RNF212B: variants seen among roughly 807,000 people sequenced by gnomAD.
RNF212B encodes the protein ring finger protein 212B.
Under a neutral mutation model 55.5 loss-of-function variants are expected in RNF212B, and 52 were observed. That is an observed-to-expected ratio of 0.94 (90% confidence interval 0.75 to 1.18). RNF212B has a LOEUF of 1.18. Among genes scored for constraint, RNF212B ranks in the 50% most tolerant of loss-of-function variants. The pLI, the probability that RNF212B is intolerant of heterozygous loss-of-function variation, is 0.00. For synonymous variants in RNF212B, 99 were observed against 121.4 expected (o/e 0.82, Z 1.21); for missense variants, 289 against 350.4 (o/e 0.82, Z 1.40).
intron 3 of RNF212B, 26 bp from the exon 4 acceptor site, chr14:23,244,296 C>T (rs1255243948): frequency 2.2e-6 from 3 of 1,374,832 alleles, no homozygotes; most frequent in Non-Finnish European, 3.0e-6. Context: ...TGGATATTCT[C>T]ACAGTGTGTA....
intron 14 of RNF212B, among the ~76,000 whole-genome samples, chr14:23,272,249 A>C (rs932912132): frequency 6.6e-6 from 1 of 151,982 alleles, no homozygotes; most frequent in African/African-American, 2.4e-5. Flanking sequence ...AACCCCGTCT[A>C]TACTAAAAAA....
intron 4 of RNF212B, 94 bp from the exon 5 acceptor site, chr14:23,258,455 A>G: frequency 3.5e-6 from 2 of 577,028 alleles, no homozygotes; most frequent in Non-Finnish European, 6.0e-6. Context: ...TGAGCAGTAT[A>G]ATAAAGTGTG....
At chr14:23,244,295 TCA>T in intron 3 of RNF212B, 25 bp from the exon 4 acceptor site, 2 of 1,369,856 alleles carry the variant, frequency 1.5e-6, no homozygotes, top group Non-Finnish European at 2.0e-6. Context: ...GTGGATATTC[TCA>T]CAGTGTGTAT....
intron 9 of RNF212B, among the ~76,000 whole-genome samples, chr14:23,263,176 A>G (rs181166362): frequency 2.9e-4 from 44 of 152,306 alleles, no homozygotes; most frequent in African/African-American, 1.0e-3. Flanking sequence ...ACAATCATTA[A>G]CAGTATACAA....
intron 3 of RNF212B, 129 bp downstream of exon 3, chr14:23,243,437 T>G: frequency 2.4e-6 from 2 of 834,328 alleles, no homozygotes; most frequent in South Asian, 1.7e-5. Context: ...GGCTCAGGCC[T>G]GTAATCCCAG....
At chr14:23,256,554 T>C (rs1176460181) in intron 4 of RNF212B, among the ~76,000 whole-genome samples, 2 of 152,106 alleles carry the variant, frequency 1.3e-5, no homozygotes, top group East Asian at 1.9e-4. Context: ...GCATTTTTAA[T>C]AGAGACGGGG....
At chr14:23,216,663 T>C (rs2140399726) in intron 2 of RNF212B, among the ~76,000 whole-genome samples, 1 of 151,652 alleles carries the variant, frequency 6.6e-6, no homozygotes, top group Non-Finnish European at 1.5e-5. Flanking sequence ...GCAGATTGCT[T>C]GAGCTTAGGA....
chr14:23,253,776 TAA>T (rs1286012303), intron 4 of RNF212B, among the ~76,000 whole-genome samples: 3 of 152,232 alleles, frequency 2.0e-5, no homozygotes, highest in African/African-American at 4.8e-5. Context: ...TCAAAAATAC[TAA>T]GACTTGCTTG....
At chr14:23,230,653 CAAAAAAAAAAAAAAAAAAAAA>C (rs60122483) in intron 2 of RNF212B, among the ~76,000 whole-genome samples, 1 of 73,994 alleles carries the variant, frequency 1.4e-5, no homozygotes, top group Non-Finnish European at 2.7e-5. Context: ...GACTCCATCT[CAAAAAAAAAAAAAAAAAAAAA>C]AAAAAAAAAC....
rs28535403 is a variant in RNF212B, at chr14:23,264,766, C to T, written c.634+95C>T. On this transcript the variant is annotated intron_variant, in intron 11 of 14. Transcript: ENST00000430154. Reference sequence around the variant, plus strand: ...CTATGCATAATATAATGCCATTTCACTTGTTTTTTTTTCCTGACAGTGATT... The same window carrying T: ...CTATGCATAATATAATGCCATTTCATTTGTTTTTTTTTCCTGACAGTGATT... 1.7e-3 allele frequency: 1,122 copies of T among 657,354 alleles called. 9 individuals are homozygous for T. In the African/African-American group the frequency reaches 0.025, roughly 15 times the overall value. The allele number at this position is 657,354 out of a possible 1,614,324, so 40.7% of individuals were successfully genotyped here. A position where few individuals can be genotyped will look rare whatever the true frequency, so the allele number is the denominator to read the frequency against.
chr14:23,204,407 G>A (rs1220414293), intron 2 of RNF212B, among the ~76,000 whole-genome samples: 5 of 152,110 alleles, frequency 3.3e-5, no homozygotes. Flanking sequence ...TTTGTATAAG[G>A]TGAGAGATGA....
At chr14:23,244,238 G>T in intron 3 of RNF212B, 84 bp from the exon 4 acceptor site, 2 of 730,170 alleles carry the variant, frequency 2.7e-6, no homozygotes, top group Non-Finnish European at 2.2e-6. Flanking sequence ...ATTAGAAAAG[G>T]TGGTACATCT....
At chr14:23,265,919 C>T (rs1268517886) in intron 11 of RNF212B, among the ~76,000 whole-genome samples, 1 of 152,100 alleles carries the variant, frequency 6.6e-6, no homozygotes, top group Non-Finnish European at 1.5e-5. Flanking sequence ...GCTTTTACTG[C>T]ATCCTATAAC....
intron 5 of RNF212B, 29 bp downstream of exon 5, chr14:23,258,693 CTTTTTT>C (rs10547691): frequency 1.1e-4 from 64 of 590,210 alleles, no homozygotes; most frequent in Middle Eastern, 3.8e-4. Context: ...CCCAAGAGAG[CTTTTTT>C]TTTTTTTTTT....
At chr14:23,234,496 A>C (rs1882960871), upstream of RNF212B, among the ~76,000 whole-genome samples, 1 of 152,188 alleles carries the variant, frequency 6.6e-6, no homozygotes, top group Non-Finnish European at 1.5e-5. Context: ...CCTGGTAAAC[A>C]GTATGAGAAA....
Position 23,244,400 on chromosome 14 carries a change from T to C in RNF212B, c.228+4T>C, listed in dbSNP as rs1289649554. 13 of 1,515,812 alleles carry C rather than the reference T, an allele frequency of 8.6e-6. No homozygotes were observed. The highest frequency in any genetic ancestry group is 1.2e-5 in the Non-Finnish European group (13 of 1,125,886). 93.9% of individuals were successfully genotyped at this position (1,515,812 alleles called of 1,614,324 possible). A position where few individuals can be genotyped will look rare whatever the true frequency, so the allele number is the denominator to read the frequency against. ...GTATTTTAGTCACATCTCTCAGGTA[T>C]GAGAAACAAAAGTGAAGAAAATCTG... On this transcript the variant is annotated splice_donor_region_variant and intron_variant, in intron 4 of 14. Coordinates refer to ENST00000430154, the MANE Select transcript of RNF212B (RefSeq NM_001282322.3).
intron 4 of RNF212B, among the ~76,000 whole-genome samples, chr14:23,255,485 A>G (rs1884764149): frequency 6.6e-6 from 1 of 152,208 alleles, no homozygotes; most frequent in African/African-American, 2.4e-5. Flanking sequence ...CAATGTTCCA[A>G]TAAAACAAAC....
chr14:23,223,601 C>T (rs111442300), intron 2 of RNF212B, among the ~76,000 whole-genome samples: 104 of 152,230 alleles, frequency 6.8e-4, no homozygotes, highest in African/African-American at 1.1e-3. Context: ...GTGATCTGCC[C>T]GCCTCAGCCT....
upstream of RNF212B, among the ~76,000 whole-genome samples, chr14:23,237,460 T>A (rs1047761165): frequency 1.3e-5 from 2 of 152,230 alleles, no homozygotes; most frequent in Non-Finnish European, 2.9e-5. Flanking sequence ...TGACTTTTTT[T>A]AATTGAAATT....
Sources: gnomAD v4.1 joint callset for allele counts (sites outside exome capture counted in the v4.1 genomes callset) on GRCh38, gnomAD v4.1.1 for gene constraint, MANE v1.5 for transcripts, NCBI Gene and HGNC (gene_info 2026-07-23, HGNC 2026-07-21) for gene names.